The following SH3PXD2B variants were observed in gnomAD, a reference collection of about 807,000 sequenced individuals.
SH3PXD2B encodes SH3 and PX domain-containing protein 2B.
In SH3PXD2B, 37 loss-of-function variants were observed where a neutral mutation model predicts 73.1. The observed-to-expected ratio is 0.51, with a 90% confidence interval of 0.39 to 0.67. SH3PXD2B has a LOEUF of 0.67. SH3PXD2B is among the 30% of genes least tolerant of loss of function. SH3PXD2B has a pLI of 0.00. For missense variants in SH3PXD2B, 1,053 were observed against 1,197.8 expected, an observed-to-expected ratio of 0.88 and a Z score of 1.78; for synonymous variants, 457 against 480.5, an observed-to-expected ratio of 0.95 and a Z score of 0.64.
At chr5:172,407,386 C>T (rs1758585020) in intron 2 of SH3PXD2B, among the ~76,000 whole-genome samples, 1 of 152,174 alleles carries the variant, frequency 6.6e-6, no homozygotes, top group African/African-American at 2.4e-5. Context: ...GGGGATTGGC[C>T]ACTCTCCAGA....
chr5:172,429,756 G>A (rs1010545936), intron 1 of SH3PXD2B, among the ~76,000 whole-genome samples: 1 of 152,170 alleles, frequency 6.6e-6, no homozygotes, highest in Non-Finnish European at 1.5e-5. Flanking sequence ...AGCAAAGGAC[G>A]GAGGCTCAGA....
rs1264510906 is a variant in SH3PXD2B at position 172,325,909 on chromosome 5, T to C, written c.1189-529A>G. On this transcript the variant is annotated intron_variant, in intron 12 of 12. Coordinates refer to the SH3PXD2B transcript ENST00000519643. ...TTCAAGCGATTCTCCTGCCTCAGCCTCCCTAGTAGCTGGGATTACAGGCAT... is the reference window on the plus strand; with the variant it reads ...TTCAAGCGATTCTCCTGCCTCAGCCCCCCTAGTAGCTGGGATTACAGGCAT... Among the ~76,000 whole-genome samples, 5 of 152,354 alleles carry C rather than the reference T, an allele frequency of 3.3e-5. No individual in the cohort carries two copies. In the East Asian group the frequency reaches 9.6e-4, roughly 29 times the overall value.
chr5:172,422,937 G>A (rs1376626968), intron 1 of SH3PXD2B, among the ~76,000 whole-genome samples: 1 of 152,238 alleles, frequency 6.6e-6, no homozygotes, highest in East Asian at 1.9e-4. Flanking sequence ...TGTCTCCACC[G>A]ACGAGGACCT....
intron 1 of SH3PXD2B, among the ~76,000 whole-genome samples, chr5:172,428,392 C>T (rs1402856474): frequency 2.0e-5 from 3 of 152,182 alleles, no homozygotes; most frequent in African/African-American, 7.2e-5. Flanking sequence ...ACCCATCTGT[C>T]GGAATGGCTA....
At chr5:172,443,223 A>G (rs1223493833) in intron 1 of SH3PXD2B, among the ~76,000 whole-genome samples, 1 of 152,258 alleles carries the variant, frequency 6.6e-6, no homozygotes, top group Non-Finnish European at 1.5e-5. Context: ...CCACGCAACG[A>G]CTGTCAAGTA....
chr5:172,365,499 C>T (rs936666917), intron 6 of SH3PXD2B, among the ~76,000 whole-genome samples: 1 of 152,180 alleles, frequency 6.6e-6, no homozygotes, highest in Non-Finnish European at 1.5e-5. Context: ...GCTCTCCTTC[C>T]CCGAGGGCCT....
intron 2 of SH3PXD2B, among the ~76,000 whole-genome samples, chr5:172,422,173 T>G (rs1758979901): frequency 6.6e-6 from 1 of 152,158 alleles, no homozygotes; most frequent in South Asian, 2.1e-4. Context: ...GTTTGTATTT[T>G]TCGTAGAGAC....
At chr5:172,343,435 G>A (rs1756902800) in intron 12 of SH3PXD2B, among the ~76,000 whole-genome samples, 1 of 152,216 alleles carries the variant, frequency 6.6e-6, no homozygotes, top group Admixed American at 6.5e-5. Context: ...GAACATGTGT[G>A]TTCTGAACCA....
chr5:172,437,672 A>AT (rs556712496), intron 1 of SH3PXD2B, among the ~76,000 whole-genome samples: 8 of 152,042 alleles, frequency 5.3e-5, no homozygotes, highest in Non-Finnish European at 8.8e-5. Flanking sequence ...GGCTGCCAAT[A>AT]TTTTTTTCCC....
At chr5:172,346,062 G>A (rs555618885) in intron 12 of SH3PXD2B, 74 bp downstream of exon 12, 5 of 1,608,560 alleles carry the variant, frequency 3.1e-6, no homozygotes, top group African/African-American at 2.7e-5. Context: ...AGTAGGAGGT[G>A]ACAGGGGAGA....
chr5:172,325,520 T>C (rs1756431536), intron 12 of SH3PXD2B: 1 of 608,858 alleles, frequency 1.6e-6, no homozygotes, highest in Non-Finnish European at 2.9e-6. Context: ...GATTTATTTC[T>C]CACAGTTCTA....
intron 1 of SH3PXD2B, among the ~76,000 whole-genome samples, chr5:172,444,027 T>C (rs1759606490): frequency 6.6e-6 from 1 of 152,222 alleles, no homozygotes; most frequent in South Asian, 2.1e-4. Context: ...TGTATTGTTT[T>C]TGCCTGTCCA....
chr5:172,419,118 C>T (rs1017210179), intron 2 of SH3PXD2B, among the ~76,000 whole-genome samples: 3 of 152,164 alleles, frequency 2.0e-5, no homozygotes, highest in African/African-American at 7.2e-5. Flanking sequence ...CAGAAACATA[C>T]AGCGGTGACC....
intron 5 of SH3PXD2B, among the ~76,000 whole-genome samples, chr5:172,375,928 C>T (rs1757811134): frequency 6.6e-6 from 1 of 152,246 alleles, no homozygotes; most frequent in Admixed American, 6.5e-5. Context: ...TGAGGAAGTG[C>T]CACACAGATG....
intron 12 of SH3PXD2B, among the ~76,000 whole-genome samples, chr5:172,325,835 G>A (rs1756437582): frequency 6.6e-6 from 1 of 152,210 alleles, no homozygotes; most frequent in South Asian, 2.1e-4. Context: ...AGGCTGGAGT[G>A]CAAGTGCAAT....
chr5:172,346,381 T>C (rs908551702), intron 11 of SH3PXD2B, 120 bp from the exon 12 acceptor site: 5 of 1,501,562 alleles, frequency 3.3e-6, no homozygotes, highest in Middle Eastern at 1.7e-4. Flanking sequence ...GGGGACCTAG[T>C]TGGATTCTAA....
chr5:172,364,805 GA>G (rs2113327807), intron 6 of SH3PXD2B, among the ~76,000 whole-genome samples: 1 of 152,264 alleles, frequency 6.6e-6, no homozygotes, highest in South Asian at 2.1e-4. Context: ...TTGGTAGCTC[GA>G]AATTGGCCAT....
intron 12 of SH3PXD2B, chr5:172,325,509 G>T (rs1756431341): frequency 3.2e-6 from 2 of 617,960 alleles, no homozygotes; most frequent in Non-Finnish European, 5.6e-6. Context: ...TAAAGAACAG[G>T]GATTTATTTC....
At chr5:172,411,810 T>C (rs546759421) in intron 2 of SH3PXD2B, among the ~76,000 whole-genome samples, 2 of 151,574 alleles carry the variant, frequency 1.3e-5, no homozygotes, top group Non-Finnish European at 2.9e-5. Flanking sequence ...TTTTTTTTTT[T>C]AATCGTGTTA....
Sources: allele counts gnomAD v4.1 joint callset (sites outside exome capture counted in the v4.1 genomes callset), GRCh38; gene constraint gnomAD v4.1.1; transcripts MANE v1.5; gene names NCBI Gene and HGNC (gene_info 2026-07-23, HGNC 2026-07-21).